LRSAM1: variants seen among roughly 807,000 people sequenced by gnomAD.
The protein encoded by LRSAM1 is E3 ubiquitin-protein ligase LRSAM1.
In LRSAM1, 96 loss-of-function variants were observed where a neutral mutation model predicts 118.1. That is an observed-to-expected ratio of 0.81 (90% CI 0.69 to 0.96). The LOEUF (loss-of-function observed/expected upper bound fraction) is 0.96, where lower values mean the gene tolerates loss of function less well. LRSAM1 is among the 40% of genes least tolerant of loss of function. The pLI, the probability that LRSAM1 is intolerant of heterozygous loss-of-function variation, is 0.00. For synonymous variants in LRSAM1, 322 were observed against 364.2 expected (o/e 0.88, Z 1.32); for missense variants, 804 against 915.5 (o/e 0.88, Z 1.57).
chr9:127,501,874 T>C (rs1484244016), intron 25 of LRSAM1, among the ~76,000 whole-genome samples: 8 of 152,262 alleles, frequency 5.3e-5, no homozygotes, highest in African/African-American at 1.2e-4. Context: ...AGTTTGATGA[T>C]TCCAGGGTCT....
At position 127,479,398 on chromosome 9, in the gene LRSAM1, G is replaced by A. The variant is rs2132062221; in HGVS notation, c.796G>A (p.Glu266Lys). Residue 266 changes from glutamate (E) to lysine (K), a missense_variant, in exon 13 of 26, where the codon GAG becomes AAG. By Grantham distance (56) the Glu-to-Lys change is moderately conservative. Transcript: ENST00000300417. ...TGTCTTGCAGGAACAGAAGATGCTG[G>A]AGAAACTCGAGTTTGAACGGCGCCT... ...YEKRKEQKML[E>K]KLEFERRLEL... 6.2e-7 allele frequency: 1 copy of A among 1,614,176 alleles called. No homozygotes were observed. Among genetic ancestry groups the A allele is most frequent in the South Asian group, 1.1e-5 (1 of 91,062 alleles).
Position 127,502,822 on chromosome 9 carries a change from T to C in LRSAM1, c.2095T>C (p.Cys699Arg), listed in dbSNP as rs1341295542. Residue 699 changes from cysteine (C) to arginine (R), a missense_variant, in exon 26 of 26, where the codon TGC (cysteine) becomes CGC (arginine). Physicochemically the swap from Cys to Arg is radical, Grantham distance 180. Transcript: ENST00000300417. ...NCGHVCCCQQ[C>R]CQPLRTCPLC... ...TGGCCACGTCTGCTGCTGCCAGCAGTGCTGCCAGCCACTGCGCACCTGCCC... is the reference window on the plus strand; with the variant it reads ...TGGCCACGTCTGCTGCTGCCAGCAGCGCTGCCAGCCACTGCGCACCTGCCC... 6.2e-7 allele frequency: 1 copy of C among 1,611,346 alleles called. No individual in the cohort carries two copies. The highest frequency in any genetic ancestry group is 8.5e-7 in the Non-Finnish European group (1 of 1,179,654).
At position 127,481,194 on chromosome 9, in the gene LRSAM1, G is replaced by T. The variant is rs915109407; in HGVS notation, c.1055G>T (p.Ser352Ile). 1.9e-6 allele frequency: 3 copies of T among 1,613,762 alleles called. No homozygotes were observed. Among genetic ancestry groups the T allele is most frequent in the Non-Finnish European group, 2.5e-6 (3 of 1,179,986 alleles). The change falls in exon 15 of 26, where the codon AGC (serine) becomes ATC (isoleucine). Residue 352 changes from serine to isoleucine, a missense_variant. Transcript: ENST00000300417. ...LLQDNQRQKK[S>I]SEILKSLENE... Reference sequence around the variant, plus strand: ...GATTTTCTCCACAGACAAAAGAAAAGCTCCGAGATTTTGAAATCGCTGGAA... The same window carrying T: ...GATTTTCTCCACAGACAAAAGAAAATCTCCGAGATTTTGAAATCGCTGGAA...
chr9:127,456,865 C>CAA (rs563447915), intron 5 of LRSAM1, among the ~76,000 whole-genome samples: 2 of 99,662 alleles, frequency 2.0e-5, no homozygotes, highest in Non-Finnish European at 2.1e-5. Context: ...GAGTTGGTCT[C>CAA]AAAAAAAAAA....
At position 127,495,796 on chromosome 9, in the gene LRSAM1, G is replaced by A. The variant is rs76576041; in HGVS notation, c.1699-168G>A. The stretch of plus-strand genomic sequence containing the variant: ...CAGACAGAGCGGCAGTGAACCCCTG[G>A]GCCTATCTATCTATCTATCTCTGTG... On this transcript the variant is annotated intron_variant, in intron 22 of 25. Coordinates refer to ENST00000300417, the MANE Select transcript of LRSAM1 (RefSeq NM_001005373.4). Among the ~76,000 whole-genome samples, 2,077 of 152,218 alleles carry A rather than the reference G, an allele frequency of 0.014. 49 individuals are homozygous for A. Among genetic ancestry groups the A allele is most frequent in the African/African-American group, 0.048 (1,996 of 41,546 alleles).
At chr9:127,470,676 G>C (rs576404812) in intron 10 of LRSAM1, among the ~76,000 whole-genome samples, 1 of 152,042 alleles carries the variant, frequency 6.6e-6, no homozygotes, top group African/African-American at 2.4e-5. Flanking sequence ...GATACCACAC[G>C]GCAAGTGGAA....
At chr9:127,454,418 G>A (rs1834439425) in intron 2 of LRSAM1, 78 bp from the exon 3 acceptor site, 4 of 1,060,836 alleles carry the variant, frequency 3.8e-6, no homozygotes, top group Non-Finnish European at 5.8e-6. Context: ...TGCATGCTCT[G>A]TGTTACTGCA....
chr9:127,488,727 G>A (rs1835822214), intron 18 of LRSAM1, among the ~76,000 whole-genome samples: 1 of 151,606 alleles, frequency 6.6e-6, no homozygotes, highest in Non-Finnish European at 1.5e-5. Context: ...CTGAGTAGCG[G>A]AGACCACAGG....
chr9:127,479,355 G>A, intron 12 of LRSAM1, 28 bp from the exon 13 acceptor site: 1 of 1,613,966 alleles, frequency 6.2e-7, no homozygotes, highest in South Asian at 1.1e-5. Flanking sequence ...GGCCTGTGCT[G>A]ACAGTCACCA....
chr9:127,491,184 A>G (rs775297627), intron 19 of LRSAM1, 31 bp from the exon 20 acceptor site: 3 of 1,544,298 alleles, frequency 1.9e-6, no homozygotes, highest in Non-Finnish European at 2.7e-6. Context: ...TAATGTGAGT[A>G]AAAAAAAACC....
chr9:127,463,543 G>A (rs961309962), intron 9 of LRSAM1, among the ~76,000 whole-genome samples: 1 of 152,142 alleles, frequency 6.6e-6, no homozygotes, highest in Non-Finnish European at 1.5e-5. Flanking sequence ...TCTTCCCTGT[G>A]TACATGTCCG....
intron 9 of LRSAM1, among the ~76,000 whole-genome samples, chr9:127,466,516 T>TATTTTTA (rs1834954439): frequency 2.4e-5 from 2 of 82,494 alleles, no homozygotes; most frequent in African/African-American, 1.0e-4. Context: ...TTTTTTTTTT[T>TATTTTTA]TTTTTTTTTT....
intron 8 of LRSAM1, among the ~76,000 whole-genome samples, chr9:127,461,611 A>G (rs908151292): frequency 2.6e-5 from 4 of 152,322 alleles, no homozygotes; most frequent in Middle Eastern, 3.4e-3. Context: ...TTCCACCTCC[A>G]GCGACGCACC....
intron 13 of LRSAM1, 36 bp from the exon 14 acceptor site, chr9:127,479,803 G>T: frequency 6.2e-7 from 1 of 1,607,218 alleles, no homozygotes; most frequent in Non-Finnish European, 8.5e-7. Context: ...GTCTGAGGGG[G>T]TCCCAGGGGC....
At chr9:127,494,274 G>A (rs1199581367) in intron 21 of LRSAM1, among the ~76,000 whole-genome samples, 1 of 152,250 alleles carries the variant, frequency 6.6e-6, no homozygotes, top group Admixed American at 6.5e-5. Context: ...GGGCAGTCAG[G>A]CCCAGCAGGG....
intron 10 of LRSAM1, chr9:127,471,018 T>C (rs1245954158): frequency 6.6e-6 from 1 of 152,008 alleles, no homozygotes; most frequent in African/African-American, 2.4e-5. Flanking sequence ...TGTGCTCTTT[T>C]CTGTATGTAT....
intron 17 of LRSAM1, 114 bp downstream of exon 17, chr9:127,485,949 C>G: frequency 2.2e-6 from 2 of 924,442 alleles, no homozygotes; most frequent in Non-Finnish European, 3.5e-6. Context: ...ACCCCAGCCT[C>G]TGCTCTGCTG....
At chr9:127,460,288 G>A (rs543044068) in intron 7 of LRSAM1, among the ~76,000 whole-genome samples, 11 of 152,228 alleles carry the variant, frequency 7.2e-5, no homozygotes, top group African/African-American at 2.6e-4. Flanking sequence ...GTTAGCCACC[G>A]TGCCTGGCCC....
chr9:127,470,304 C>G (rs1353212579), intron 10 of LRSAM1, among the ~76,000 whole-genome samples: 1 of 152,072 alleles, frequency 6.6e-6, no homozygotes, highest in Non-Finnish European at 1.5e-5. Context: ...GAAGGCACCT[C>G]TTCACAGGGC....
Sources: allele counts gnomAD v4.1 joint callset (sites outside exome capture counted in the v4.1 genomes callset), GRCh38; gene constraint gnomAD v4.1.1; transcripts MANE v1.5; gene names NCBI Gene and HGNC (gene_info 2026-07-23, HGNC 2026-07-21).